The following SLC39A11 variants were observed in gnomAD, a reference collection of about 807,000 sequenced individuals.
SLC39A11 encodes solute carrier family 39 member 11.
Under a neutral mutation model 36.1 loss-of-function variants are expected in SLC39A11, and 33 were observed. The observed-to-expected ratio is 0.91, with a 90% CI of 0.69 to 1.22. The LOEUF (loss-of-function observed/expected upper bound fraction) is 1.22. Ranked by LOEUF, SLC39A11 falls within the 50% of genes most tolerant of loss-of-function variation. The pLI, the probability that SLC39A11 is intolerant of heterozygous loss-of-function variation, is 0.00. For missense variants in SLC39A11, 432 were observed against 430.3 expected (o/e 1.00, Z -0.03); for synonymous variants, 166 against 170.3 (o/e 0.97, Z 0.20).
intron 4 of SLC39A11, among the ~76,000 whole-genome samples, chr17:72,988,038 A>G (rs1190621602): frequency 6.6e-6 from 1 of 152,210 alleles, no homozygotes; most frequent in Non-Finnish European, 1.5e-5. Context: ...TATGGGGTCC[A>G]TGAGATGTTT....
intron 6 of SLC39A11, among the ~76,000 whole-genome samples, chr17:72,754,588 C>T (rs995538333): frequency 8.1e-5 from 12 of 147,674 alleles, no homozygotes; most frequent in African/African-American, 3.0e-4. Context: ...ATTTAGATTC[C>T]ACCATTACAG....
At chr17:72,941,067 T>C (rs1002939315) in intron 5 of SLC39A11, among the ~76,000 whole-genome samples, 2 of 146,374 alleles carry the variant, frequency 1.4e-5, no homozygotes, top group Non-Finnish European at 3.0e-5. Flanking sequence ...AGCCCAGGAG[T>C]TCAAGACCAG....
intron 4 of SLC39A11, among the ~76,000 whole-genome samples, chr17:72,955,691 G>T (rs1406497858): frequency 1.5e-4 from 23 of 151,920 alleles, no homozygotes; most frequent in East Asian, 1.9e-4. Context: ...TCAGGGCCCA[G>T]CACACGGTCT....
chr17:72,861,662 T>TATATATATATATATATATATATATATAAA, intron 5 of SLC39A11, among the ~76,000 whole-genome samples: 2 of 82,056 alleles, frequency 2.4e-5, no homozygotes, highest in Non-Finnish European at 5.0e-5. Context: ...ACACATTATA[T>TATATATATATATATATATATATATATAAA]ATATATATAT....
In SLC39A11 at chr17:72,780,522, G is replaced by GGGGT. The variant is rs1439096689; in HGVS notation, c.602-43804_602-43803insACCC. On this transcript the variant is annotated intron_variant, in intron 6 of 9. Coordinates refer to ENST00000255559, the MANE Select transcript of SLC39A11 (RefSeq NM_139177.4). The stretch of plus-strand genomic sequence containing the variant: ...CACAGTGCTAAGGGCCCTGAAGATG[G>GGGGT]GGGGCGGGTGGGGGCACAACTGTGT... Among the ~76,000 whole-genome samples, 31 of 133,718 alleles carry GGGGT rather than the reference G, an allele frequency of 2.3e-4. 3 individuals are homozygous for GGGGT. Among genetic ancestry groups the GGGGT allele is most frequent in the Non-Finnish European group, 4.0e-4 (25 of 62,404 alleles). 87.7% of individuals were successfully genotyped at this position (133,718 alleles called of 152,430 possible).
At chr17:72,843,239 G>A (rs1347709228) in intron 6 of SLC39A11, among the ~76,000 whole-genome samples, 4 of 152,276 alleles carry the variant, frequency 2.6e-5, no homozygotes, top group South Asian at 4.1e-4. Context: ...GTGAGCCACC[G>A]CGCCCGGCCT....
rs1159815100 is a variant in SLC39A11 at position 73,042,779 on chromosome 17, G to A, written c.148-11065C>T. ...AACACGCCATTGCACTGCAGCCTGG[G>A]CAACAAGAGTGAAACTCCGTCTCAA... On this transcript the variant is annotated intron_variant, in intron 3 of 9. Transcript: ENST00000255559. 2.6e-5 allele frequency among the ~76,000 whole-genome samples: 4 copies of A among 152,284 alleles called. No homozygotes were observed. In the East Asian group the frequency reaches 7.7e-4, roughly 29 times the overall value.
intron 5 of SLC39A11, among the ~76,000 whole-genome samples, chr17:72,871,666 G>A (rs1567859670): frequency 6.6e-6 from 1 of 152,282 alleles, no homozygotes; most frequent in East Asian, 1.9e-4. Flanking sequence ...AGGGTGACAT[G>A]TGCCCCATCC....
intron 4 of SLC39A11, among the ~76,000 whole-genome samples, chr17:73,007,695 G>A (rs1451753104): frequency 1.3e-5 from 2 of 152,046 alleles, no homozygotes; most frequent in East Asian, 3.9e-4. Context: ...AGGAGGGAGG[G>A]GCCAGGAGGA....
At chr17:73,020,680 C>CTTTTTTAT (rs2058313214) in intron 4 of SLC39A11, among the ~76,000 whole-genome samples, 1 of 98,898 alleles carries the variant, frequency 1.0e-5, no homozygotes, top group Admixed American at 1.4e-4. Flanking sequence ...TTGTTTCTTT[C>CTTTTTTAT]TTTTTTTTTT....
At chr17:72,852,153 C>T (rs1476374774) in intron 5 of SLC39A11, among the ~76,000 whole-genome samples, 21 of 137,380 alleles carry the variant, frequency 1.5e-4, no homozygotes, top group African/African-American at 4.9e-4. Flanking sequence ...TGCAGTGACC[C>T]GAGATCCCGC....
At chr17:72,812,422 A>C (rs1265477617) in intron 6 of SLC39A11, among the ~76,000 whole-genome samples, 1 of 152,242 alleles carries the variant, frequency 6.6e-6, no homozygotes. Flanking sequence ...GTTGGATACA[A>C]TGTATAACAA....
At chr17:72,795,863 C>T (rs968972212) in intron 6 of SLC39A11, among the ~76,000 whole-genome samples, 3 of 152,080 alleles carry the variant, frequency 2.0e-5, no homozygotes, top group African/African-American at 7.3e-5. Context: ...TAAGCTATAT[C>T]CCTGGTGAAT....
chr17:73,047,990 A>AAAAAAAAAAAAAAT (rs1555693446), intron 3 of SLC39A11, among the ~76,000 whole-genome samples: 3 of 58,676 alleles, frequency 5.1e-5, no homozygotes, highest in Non-Finnish European at 9.0e-5. Context: ...AAAAAAAAAA[A>AAAAAAAAAAAAAAT]ATATATATAT....
intron 5 of SLC39A11, among the ~76,000 whole-genome samples, chr17:72,877,514 T>A (rs1177592056): frequency 1.3e-5 from 2 of 152,206 alleles, no homozygotes; most frequent in Non-Finnish European, 2.9e-5. Flanking sequence ...CGCAATCAGT[T>A]CACGATGCTT....
intron 6 of SLC39A11, among the ~76,000 whole-genome samples, chr17:72,811,079 A>C (rs553156365): frequency 0.06 from 9,185 of 152,214 alleles, 460 homozygotes; most frequent in African/African-American, 0.14. Flanking sequence ...AAAAAAAAAA[A>C]AACATTGTTT....
At chr17:72,875,083 A>C (rs1472371995) in intron 5 of SLC39A11, among the ~76,000 whole-genome samples, 1 of 152,228 alleles carries the variant, frequency 6.6e-6, no homozygotes, top group Non-Finnish European at 1.5e-5. Flanking sequence ...CAGCAAAGAG[A>C]GAAAAAGAGG....
chr17:72,903,140 C>T (rs1269698853), intron 5 of SLC39A11, among the ~76,000 whole-genome samples: 1 of 151,994 alleles, frequency 6.6e-6, no homozygotes, highest in Non-Finnish European at 1.5e-5. Context: ...GTGGCAGGAG[C>T]CTGTAATCCC....
chr17:72,948,102 A>G (rs932633506), intron 4 of SLC39A11, among the ~76,000 whole-genome samples: 3 of 152,156 alleles, frequency 2.0e-5, no homozygotes, highest in Non-Finnish European at 4.4e-5. Context: ...AAACAACACG[A>G]TCTAAAAAGT....
Sources: gnomAD v4.1 joint callset for allele counts (sites outside exome capture counted in the v4.1 genomes callset) on GRCh38, gnomAD v4.1.1 for gene constraint, MANE v1.5 for transcripts, NCBI Gene and HGNC (gene_info 2026-07-23, HGNC 2026-07-21) for gene names.